Variants in INTS6 observed in about 807,000 individuals in gnomAD.
INTS6 encodes DEAD box protein.
A neutral mutation model predicts 104.9 loss-of-function variants in INTS6; 16 were observed. That is an observed-to-expected ratio of 0.15 (90% CI 0.10 to 0.23). INTS6 has a LOEUF of 0.23. INTS6 is among the 10% of genes least tolerant of loss of function. INTS6 has a pLI of 1.00. For missense variants in INTS6, 584 were observed against 1,062.8 expected (o/e 0.55, Z 6.26); for synonymous variants, 324 against 358.7 (o/e 0.90, Z 1.09).
At chr13:51,397,139 T>C (rs905300980) in intron 4 of INTS6, among the ~76,000 whole-genome samples, 1 of 152,218 alleles carries the variant, frequency 6.6e-6, no homozygotes, top group Non-Finnish European at 1.5e-5. Context: ...CTAATTGTAT[T>C]GTGTACAGCC....
At chr13:51,430,191 A>C in intron 4 of INTS6, 103 bp downstream of exon 4, 1 of 925,174 alleles carries the variant, frequency 1.1e-6, no homozygotes, top group Non-Finnish European at 1.7e-6. Flanking sequence ...AAATTGCATC[A>C]AATAATCAAC....
chr13:51,355,716 G>A (rs1035167109), intron 3 of INTS6, among the ~76,000 whole-genome samples: 2 of 152,044 alleles, frequency 1.3e-5, no homozygotes, highest in African/African-American at 4.8e-5. Flanking sequence ...CAATCAATAG[G>A]TGCTGTTTGC....
chr13:51,380,268 T>C (rs1478045058), intron 10 of INTS6, among the ~76,000 whole-genome samples: 2 of 152,110 alleles, frequency 1.3e-5, no homozygotes, highest in Admixed American at 1.3e-4. Flanking sequence ...AACTTTCAAT[T>C]GTAAGGAGAG....
At chr13:51,393,993 C>A (rs547311779) in intron 5 of INTS6, among the ~76,000 whole-genome samples, 1 of 151,492 alleles carries the variant, frequency 6.6e-6, no homozygotes, top group African/African-American at 2.4e-5. Flanking sequence ...AGCCTCCAAG[C>A]CTTTCAGAAC....
At chr13:51,372,017 G>A (rs1955816355) in intron 15 of INTS6, among the ~76,000 whole-genome samples, 1 of 151,852 alleles carries the variant, frequency 6.6e-6, no homozygotes, top group African/African-American at 2.4e-5. Context: ...CTCTTTACTG[G>A]TTCCACCACC....
rs1432083977 is a variant in INTS6 at position 51,364,028 on chromosome 13, AAT to A, written c.*1722_*1723del. On this transcript the variant is annotated 3_prime_UTR_variant, in exon 18 of 18. Coordinates refer to ENST00000311234, the MANE Select transcript of INTS6 (RefSeq NM_012141.3). ...TTCCTCCTAGTAATTCCAGAATCTA[AAT>A]ATATATAATTTAGGAACAGACAATA... The A allele has an allele frequency of 3.0e-6, 1 of 337,660 alleles. No individual in the cohort carries two copies. The highest frequency in any genetic ancestry group is 5.3e-6 in the Non-Finnish European group (1 of 189,930). 20.9% of individuals were successfully genotyped at this position (337,660 alleles called of 1,614,324 possible). A position where few individuals can be genotyped will look rare whatever the true frequency, so the allele number is the denominator to read the frequency against.
intron 4 of INTS6, among the ~76,000 whole-genome samples, chr13:51,404,089 CACACACACACACACAGAG>C (rs1956503258): frequency 7.1e-6 from 1 of 141,802 alleles, no homozygotes; most frequent in South Asian, 2.2e-4. Context: ...CACACACACA[CACACACACACACACAGAG>C]AGAGAGAGAG....
At chr13:51,377,844 C>T (rs1955964407) in intron 12 of INTS6, among the ~76,000 whole-genome samples, 1 of 152,046 alleles carries the variant, frequency 6.6e-6, no homozygotes, top group South Asian at 2.1e-4. Flanking sequence ...CCTATTTCTA[C>T]AAAAAGGCTG....
chr13:51,364,005 C>T lies in INTS6; in HGVS notation c.*1747G>A, dbSNP rs1955635837. 1 of 305,416 alleles carries T rather than the reference C, an allele frequency of 3.3e-6. No individual in the cohort carries two copies. The highest frequency in any genetic ancestry group is 5.9e-6 in the Non-Finnish European group (1 of 169,938). 18.9% of individuals were successfully genotyped at this position (305,416 alleles called of 1,614,324 possible). A position where few individuals can be genotyped will look rare whatever the true frequency, so the allele number is the denominator to read the frequency against. ...ATTTTTATCTGAATGACTTCTAATT[C>T]CTCCTAGTAATTCCAGAATCTAAAT... On this transcript the variant is annotated 3_prime_UTR_variant, in exon 18 of 18. Coordinates refer to ENST00000311234, the MANE Select transcript of INTS6 (RefSeq NM_012141.3).
At chr13:51,346,757 T>C in the INTS6 span, among the ~76,000 whole-genome samples, 1 of 152,202 alleles carries the variant, frequency 6.6e-6, no homozygotes, top group African/African-American at 2.4e-5. Context: ...AGGATTTTTA[T>C]AAAATGACCA....
At chr13:51,355,168 G>T (rs4942995) in intron 3 of INTS6, 47,842 of 1,183,348 alleles carry the variant, frequency 0.04, 1,308 homozygotes, top group South Asian at 0.089. Context: ...TCTTCCAAAC[G>T]TTCTAGCCGT....
intron 3 of INTS6, chr13:51,449,310 G>A (rs1378142981): frequency 1.1e-5 from 2 of 186,878 alleles, no homozygotes; most frequent in Admixed American, 1.3e-4. Context: ...TCTTCTCTTG[G>A]TCAAAGTGGT....
chr13:51,440,949 C>T (rs1164229259), intron 3 of INTS6: 1 of 152,120 alleles, frequency 6.6e-6, no homozygotes, highest in Non-Finnish European at 1.5e-5. Context: ...GACTAAAAAG[C>T]TTTTATCCTG....
rs938057018 is a variant in INTS6, at chr13:51,355,583, C to T, written n.431-1247G>A. Among the ~76,000 whole-genome samples the T allele has an allele frequency of 2.6e-5, 4 of 152,142 alleles. 1 individual carries two copies. Among genetic ancestry groups the T allele is most frequent in the Admixed American group, 2.0e-4 (3 of 15,284 alleles). On this transcript the variant is annotated intron_variant and non_coding_transcript_variant, in intron 3 of 3. Transcript: ENST00000476666. ...CTCTTCTAATAAGCTAGTCTTGAAA[C>T]CTTCCCTCATCTGTCCAATTTCCTT...
At chr13:51,416,355 A>G (rs553455518) in intron 4 of INTS6, among the ~76,000 whole-genome samples, 1 of 152,320 alleles carries the variant, frequency 6.6e-6, no homozygotes, top group African/African-American at 2.4e-5. Flanking sequence ...GAACATTTTG[A>G]TCACCTGAAA....
intron 4 of INTS6, among the ~76,000 whole-genome samples, chr13:51,396,582 C>CACA (rs1328600306): frequency 6.6e-6 from 1 of 151,984 alleles, no homozygotes; most frequent in Non-Finnish European, 1.5e-5. Context: ...GATGCAATAC[C>CACA]ACAACATCAA....
At chr13:51,424,253 T>C (rs1400403839) in intron 4 of INTS6, among the ~76,000 whole-genome samples, 3 of 152,062 alleles carry the variant, frequency 2.0e-5, no homozygotes, top group African/African-American at 7.2e-5. Flanking sequence ...GAATTCTAGA[T>C]AGCGGATTAG....
intron 5 of INTS6, among the ~76,000 whole-genome samples, chr13:51,390,043 C>A (rs971597380): frequency 6.6e-6 from 1 of 151,966 alleles, no homozygotes; most frequent in African/African-American, 2.4e-5. Context: ...ACCTGTCTCA[C>A]GTGAATTCCC....
intron 4 of INTS6, among the ~76,000 whole-genome samples, chr13:51,407,612 C>T (rs553735126): frequency 4.6e-5 from 7 of 152,248 alleles, no homozygotes; most frequent in African/African-American, 1.7e-4. Flanking sequence ...AATGTTCTGT[C>T]TACCTTAACT....
Sources: allele counts gnomAD v4.1 joint callset (sites outside exome capture counted in the v4.1 genomes callset), GRCh38; gene constraint gnomAD v4.1.1; transcripts MANE v1.5; gene names NCBI Gene and HGNC (gene_info 2026-07-23, HGNC 2026-07-21).